DYNC2H1: variants seen among roughly 807,000 people sequenced by gnomAD.
The protein encoded by DYNC2H1 is cytoplasmic dynein 2 heavy chain 1.
In DYNC2H1, 410 loss-of-function variants were observed where a neutral mutation model predicts 570.0. The ratio of observed to expected loss-of-function variants is 0.72; its 90% CI spans 0.66 to 0.78. The LOEUF (loss-of-function observed/expected upper bound fraction) is 0.78. Among genes scored for constraint, DYNC2H1 ranks in the 30% least tolerant of loss-of-function variants. The pLI is 0.00. For synonymous variants in DYNC2H1, 1,688 were observed against 1,677.6 expected, an observed-to-expected ratio of 1.01 and a Z score of -0.15; for missense variants, 4,865 against 5,046.4, an observed-to-expected ratio of 0.96 and a Z score of 1.09.
In DYNC2H1 at chr11:103,277,226, T is replaced by G. The variant is rs1204656276; in HGVS notation, c.10696-3122T>G. ...CTTCACAAATTTATTTGTGCTCATA[T>G]AGTTATACAAAGTGTGTGTTCAAAT... is the stretch of plus-strand genomic sequence containing the variant. On this transcript the variant is annotated intron_variant, in intron 70 of 88. Coordinates refer to ENST00000375735, the MANE Select transcript of DYNC2H1 (RefSeq NM_001377.3). The surrounding 1 kb of genome is among the most constrained non-coding windows in gnomAD (Gnocchi z 4.3). Among the ~76,000 whole-genome samples the G allele has an allele frequency of 6.6e-6, 1 of 152,166 alleles. No homozygotes were observed. Among genetic ancestry groups the G allele is most frequent in the African/African-American group, 2.4e-5 (1 of 41,472 alleles).
Position 103,121,372 on chromosome 11 carries a change from A to AT in DYNC2H1, c.1365dup (p.Arg456SerfsTer5). 2 of 1,592,794 alleles carry AT rather than the reference A, an allele frequency of 1.3e-6. No homozygotes were observed. The highest frequency in any genetic ancestry group is 1.7e-6 in the Non-Finnish European group (2 of 1,171,902). On this transcript the variant is annotated frameshift_variant and splice_region_variant, in exon 10 of 89. Transcript: ENST00000375735. LOFTEE classifies it high-confidence loss of function. ...CATTTATTTGATTTAAATTTTATAG[A>AT]TTTTCGATTAGACTTTGAGAATCGG...
chr11:103,208,861 C>T (rs1244132457), intron 52 of DYNC2H1, among the ~76,000 whole-genome samples: 2 of 152,012 alleles, frequency 1.3e-5, no homozygotes, highest in Non-Finnish European at 2.9e-5. Flanking sequence ...ATTTTTACTT[C>T]AAGGGAAGGA....
chr11:103,191,062 T>C (rs1398940616), intron 45 of DYNC2H1, among the ~76,000 whole-genome samples: 2 of 141,686 alleles, frequency 1.4e-5, no homozygotes, highest in African/African-American at 5.2e-5. Flanking sequence ...TTTTTTGAGA[T>C]GGAGTCTCGC....
Position 103,465,057 on chromosome 11 carries a change from C to T in DYNC2H1, c.12649-3532C>T, listed in dbSNP as rs1945149162. On this transcript the variant is annotated intron_variant, in intron 87 of 88. Transcript: ENST00000375735. This position sits in a 1 kb window ranked among gnomAD's most constrained non-coding sequence, Gnocchi z 4.9. Reference sequence around the variant, plus strand: ...TTTAAGAATTTATTAGAAAGTTTTACACTTAATTACGCATTTAAAAGTAGA... The same window carrying T: ...TTTAAGAATTTATTAGAAAGTTTTATACTTAATTACGCATTTAAAAGTAGA... 6.6e-6 allele frequency among the ~76,000 whole-genome samples: 1 copy of T among 151,926 alleles called. No individual in the cohort carries two copies.
chr11:103,449,412 G>A (rs1219112985), intron 85 of DYNC2H1, among the ~76,000 whole-genome samples: 2 of 152,076 alleles, frequency 1.3e-5, no homozygotes, highest in Non-Finnish European at 2.9e-5. Flanking sequence ...GCTTGCCTTT[G>A]GATCTTCAAA....
At chr11:103,309,168 A>ATTTTTTTTTTTTTTTTGTTTTT (rs1867446432) in intron 78 of DYNC2H1, among the ~76,000 whole-genome samples, 1 of 54,620 alleles carries the variant, frequency 1.8e-5, no homozygotes, top group Non-Finnish European at 3.4e-5. Context: ...ACTGCATGCT[A>ATTTTTTTTTTTTTTTTGTTTTT]TTTTTTTTTT....
intron 76 of DYNC2H1, among the ~76,000 whole-genome samples, chr11:103,303,852 T>A (rs1439048159): frequency 6.6e-6 from 1 of 152,208 alleles, no homozygotes; most frequent in Non-Finnish European, 1.5e-5. Flanking sequence ...ATACATTTGC[T>A]ACCATTTTGA....
chr11:103,207,551 A>G (rs1862989291), intron 52 of DYNC2H1, among the ~76,000 whole-genome samples: 1 of 152,128 alleles, frequency 6.6e-6, no homozygotes, highest in Non-Finnish European at 1.5e-5. Flanking sequence ...TCTTAGCGAA[A>G]TAGGAAGATT....
At chr11:103,292,925 T>A (rs948158740) in intron 75 of DYNC2H1, among the ~76,000 whole-genome samples, 2 of 152,214 alleles carry the variant, frequency 1.3e-5, no homozygotes, top group Non-Finnish European at 2.9e-5. Flanking sequence ...TCTCAGGTAT[T>A]TCTTTATAGC....
At chr11:103,198,833 A>C (rs1283634592) in intron 48 of DYNC2H1, among the ~76,000 whole-genome samples, 1 of 152,192 alleles carries the variant, frequency 6.6e-6, no homozygotes, top group Non-Finnish European at 1.5e-5. Flanking sequence ...AAACATTCAC[A>C]AAAGATTTTT....
chr11:103,269,119 AT>A (rs1345411296), intron 70 of DYNC2H1, among the ~76,000 whole-genome samples: 1 of 152,164 alleles, frequency 6.6e-6, no homozygotes, highest in Non-Finnish European at 1.5e-5. Context: ...GGGATTTTTC[AT>A]TGCTTACTTT....
At chr11:103,356,910 C>T (rs893113174) in intron 82 of DYNC2H1, among the ~76,000 whole-genome samples, 4 of 152,012 alleles carry the variant, frequency 2.6e-5, no homozygotes, top group African/African-American at 9.7e-5. Flanking sequence ...AAAGGAAAAA[C>T]AAATCACATT....
chr11:103,425,550 A>G (rs1943638262), intron 84 of DYNC2H1, among the ~76,000 whole-genome samples: 1 of 152,056 alleles, frequency 6.6e-6, no homozygotes, highest in Non-Finnish European at 1.5e-5. Context: ...TCCAAATACC[A>G]TTAGTGATTA....
In DYNC2H1 at chr11:103,147,787, T is replaced by C. The variant is rs779752339; in HGVS notation, c.2718T>C (p.Asp906=). 5 of 1,606,702 alleles carry C rather than the reference T, an allele frequency of 3.1e-6. No homozygotes were observed. In the East Asian group the frequency reaches 9.0e-5, roughly 29 times the overall value. ...VERLPSAVKV[D]CLNINCNPVK... Reference sequence around the variant, plus strand: ...CATTTTTCAGTGCTGTCAAGGTAGATTGTTTAAATATTAATTGCAACCCTG... The same window carrying C: ...CATTTTTCAGTGCTGTCAAGGTAGACTGTTTAAATATTAATTGCAACCCTG... Residue 906 remains aspartate (D), a synonymous_variant, in exon 19 of 89, where the codon GAT becomes GAC. Coordinates refer to ENST00000375735, the MANE Select transcript of DYNC2H1 (RefSeq NM_001377.3).
At chr11:103,285,784 A>C (rs1243075691) in intron 73 of DYNC2H1, among the ~76,000 whole-genome samples, 1 of 152,066 alleles carries the variant, frequency 6.6e-6, no homozygotes. Flanking sequence ...TACTTAGCAA[A>C]ATTCTTATTA....
chr11:103,215,798 A>G lies in DYNC2H1; in HGVS notation c.8772A>G (p.Leu2924=), dbSNP rs989533322. Residue 2924 remains leucine (L), a synonymous_variant, in exon 55 of 89, where the codon TTA becomes TTG. Transcript: ENST00000375735. ...GAAAAGCTGGAGAACAAAGTGTGTT[A>G]CTTAAAACGAAGCAAGATGAAGCAG... ...LNRKAGEQSV[L]LKTKQDEADA... 1.9e-6 allele frequency: 3 copies of G among 1,612,522 alleles called. No individual in the cohort carries two copies. The highest frequency in any genetic ancestry group is 2.5e-6 in the Non-Finnish European group (3 of 1,179,198).
chr11:103,355,953 C>G (rs1184060760), intron 82 of DYNC2H1, among the ~76,000 whole-genome samples: 1 of 152,054 alleles, frequency 6.6e-6, no homozygotes, highest in Non-Finnish European at 1.5e-5. Flanking sequence ...CAAGTGATCC[C>G]CCCACCTCAG....
At chr11:103,165,514 A>C (rs1424456888) in intron 30 of DYNC2H1, among the ~76,000 whole-genome samples, 1 of 152,222 alleles carries the variant, frequency 6.6e-6, no homozygotes, top group East Asian at 1.9e-4. Context: ...GAAATGCTAA[A>C]GATTGCCCTT....
At chr11:103,272,421 C>T (rs1005476079) in intron 70 of DYNC2H1, among the ~76,000 whole-genome samples, 4 of 149,414 alleles carry the variant, frequency 2.7e-5, no homozygotes, top group East Asian at 2.0e-4. Context: ...CAGGGCCTGT[C>T]GTGGGGTGGG....
Sources: allele counts gnomAD v4.1 joint callset (sites outside exome capture counted in the v4.1 genomes callset), GRCh38; gene constraint gnomAD v4.1.1; non-coding constraint Gnocchi (gnomAD v3.1); transcripts MANE v1.5; gene names NCBI Gene and HGNC (gene_info 2026-07-23, HGNC 2026-07-21).